MBD5: variants seen among roughly 807,000 people sequenced by gnomAD.
The protein encoded by MBD5 is methyl-CpG-binding domain protein 5.
Under a neutral mutation model 117.3 loss-of-function variants are expected in MBD5, and 13 were observed. That is an observed-to-expected ratio of 0.11 (90% CI 0.07 to 0.18). The LOEUF (loss-of-function observed/expected upper bound fraction) is 0.18, where lower values mean the gene tolerates loss of function less well. Among genes scored for constraint, MBD5 ranks in the 10% least tolerant of loss-of-function variants. MBD5 has a pLI of 1.00. For synonymous variants in MBD5, 727 were observed against 766.4 expected, an observed-to-expected ratio of 0.95 and a Z score of 0.85; for missense variants, 1,879 against 2,093.8, an observed-to-expected ratio of 0.90 and a Z score of 2.00.
intron 4 of MBD5, among the ~76,000 whole-genome samples, chr2:148,411,302 G>A (rs992510658): frequency 1.3e-5 from 2 of 151,966 alleles, no homozygotes; most frequent in African/African-American, 4.8e-5. Flanking sequence ...ATTCTGCAAT[G>A]GGCATATGCG....
intron 5 of MBD5, 90 bp from the exon 6 acceptor site, chr2:148,462,492 A>C: frequency 1.2e-6 from 1 of 838,972 alleles, no homozygotes; most frequent in Middle Eastern, 3.2e-4. Context: ...ATATCCCATA[A>C]AGGACAGTAA....
chr2:148,438,079 A>G (rs553897293), intron 4 of MBD5, among the ~76,000 whole-genome samples: 1 of 152,376 alleles, frequency 6.6e-6, no homozygotes, highest in Non-Finnish European at 1.5e-5. Flanking sequence ...CAAATTTGCA[A>G]TAAATGCATA....
chr2:148,025,473 C>G (rs1344112199), intron 1 of MBD5: 2 of 150,728 alleles, frequency 1.3e-5, no homozygotes, highest in Non-Finnish European at 3.0e-5. Flanking sequence ...GTTGCCTTTG[C>G]TGGATTTTTA....
intron 3 of MBD5, among the ~76,000 whole-genome samples, chr2:148,287,110 T>C (rs2106407456): frequency 6.6e-6 from 1 of 152,304 alleles, no homozygotes; most frequent in South Asian, 2.1e-4. Context: ...TTAATGTTTA[T>C]ATTATTCTCC....
At chr2:148,257,638 A>AT (rs1192915940) in intron 3 of MBD5, among the ~76,000 whole-genome samples, 1 of 152,206 alleles carries the variant, frequency 6.6e-6, no homozygotes, top group African/African-American at 2.4e-5. Flanking sequence ...AGAGGTTAAC[A>AT]TATCATCAAT....
chr2:148,154,569 C>G (rs77581481), intron 1 of MBD5, among the ~76,000 whole-genome samples: 1 of 152,334 alleles, frequency 6.6e-6, no homozygotes, highest in South Asian at 2.1e-4. Flanking sequence ...GGCTGCTGTG[C>G]TATCAATCAG....
chr2:148,347,259 T>C (rs1703145294), intron 4 of MBD5: 1 of 152,010 alleles, frequency 6.6e-6, no homozygotes, highest in African/African-American at 2.4e-5. Context: ...CCTATAATTC[T>C]AGCTATTCAG....
At chr2:148,419,797 C>T (rs1453076084) in intron 4 of MBD5, among the ~76,000 whole-genome samples, 1 of 152,118 alleles carries the variant, frequency 6.6e-6, no homozygotes, top group African/African-American at 2.4e-5. Context: ...ATCCTGTAGA[C>T]TTCAACTACT....
chr2:148,447,014 G>A (rs1706555912), intron 4 of MBD5, among the ~76,000 whole-genome samples: 1 of 151,280 alleles, frequency 6.6e-6, no homozygotes, highest in Non-Finnish European at 1.5e-5. Context: ...ATGAGTTCCT[G>A]AGACAATGAC....
intron 4 of MBD5, among the ~76,000 whole-genome samples, chr2:148,441,298 T>C (rs578233783): frequency 3.3e-5 from 5 of 152,190 alleles, no homozygotes; most frequent in African/African-American, 9.6e-5. Flanking sequence ...ATGTTCCCCT[T>C]ACTGTGTCCA....
At position 148,127,812 on chromosome 2, in the gene MBD5, G is replaced by C. The variant is rs139919691; in HGVS notation, c.-924-50888G>C. Among the ~76,000 whole-genome samples, 631 of 152,296 alleles carry C rather than the reference G, an allele frequency of 4.1e-3. 3 individuals are homozygous for C. Among genetic ancestry groups the C allele is most frequent in the Middle Eastern group, 0.014 (4 of 294 alleles). ...AGATCTTTGAGGAATCACCCACACT[G>C]TCTTTCACAATGGTTGAACTAATTT... On this transcript the variant is annotated intron_variant, in intron 1 of 13. Transcript: ENST00000642680.
chr2:148,418,799 C>T (rs1290375064), intron 4 of MBD5, among the ~76,000 whole-genome samples: 24 of 151,874 alleles, frequency 1.6e-4, no homozygotes, highest in Admixed American at 1.6e-3. Flanking sequence ...CCATAGTGCC[C>T]CAAACAATCT....
At chr2:148,163,485 G>A (rs1698057023) in intron 1 of MBD5, among the ~76,000 whole-genome samples, 1 of 152,048 alleles carries the variant, frequency 6.6e-6, no homozygotes, top group Non-Finnish European at 1.5e-5. Context: ...TCAATGGCGT[G>A]ATCTTGGCTC....
At chr2:148,342,435 A>G (rs183241754) in intron 4 of MBD5, 99 bp downstream of exon 4, 46 of 152,182 alleles carry the variant, frequency 3.0e-4, no homozygotes, top group African/African-American at 1.1e-3. Context: ...TGACATCTAT[A>G]GATTGAAATG....
intron 4 of MBD5, among the ~76,000 whole-genome samples, chr2:148,452,049 CAT>C (rs537615218): frequency 6.7e-4 from 102 of 152,250 alleles, no homozygotes; most frequent in African/African-American, 2.2e-3. Context: ...CATAATATCA[CAT>C]GACTCAAAAA....
At chr2:148,052,452 C>G (rs1694738550) in intron 1 of MBD5, among the ~76,000 whole-genome samples, 1 of 152,058 alleles carries the variant, frequency 6.6e-6, no homozygotes, top group African/African-American at 2.4e-5. Flanking sequence ...TCAGGTGATC[C>G]ACCTGCCTTG....
chr2:148,217,542 A>G (rs1284894071), intron 2 of MBD5, among the ~76,000 whole-genome samples: 1 of 152,186 alleles, frequency 6.6e-6, no homozygotes, highest in African/African-American at 2.4e-5. Context: ...TCTATGTCAC[A>G]CTATGGAATG....
intron 8 of MBD5, chr2:148,472,392 TA>T (rs1261299929): frequency 1.3e-5 from 2 of 152,114 alleles, no homozygotes; most frequent in Non-Finnish European, 2.9e-5. Context: ...ATGTGCTTAA[TA>T]AAAATCTAAG....
rs538611943 is a variant in MBD5, at chr2:148,127,032, G to A, written c.-924-51668G>A. 6.2e-4 allele frequency among the ~76,000 whole-genome samples: 89 copies of A among 143,434 alleles called. 1 individual carries two copies. The highest frequency in any genetic ancestry group is 1.1e-3 in the Non-Finnish European group (72 of 66,762). 94.1% of individuals were successfully genotyped at this position (143,434 alleles called of 152,430 possible). ...TGCTCTGTCTCCCAGGCTGGAGTGC[G>A]TGGCGCGATCTCGGCTCACTGCAAG... On this transcript the variant is annotated intron_variant, in intron 1 of 13. Transcript: ENST00000642680.
Sources: gnomAD v4.1 joint callset for allele counts (sites outside exome capture counted in the v4.1 genomes callset) on GRCh38, gnomAD v4.1.1 for gene constraint, MANE v1.5 for transcripts, NCBI Gene and HGNC (gene_info 2026-07-23, HGNC 2026-07-21) for gene names.